Variants in GRM3 observed in about 807,000 individuals in gnomAD.
GRM3 encodes metabotropic glutamate receptor 3.
A neutral mutation model predicts 70.5 loss-of-function variants in GRM3; 26 were observed. That is an observed-to-expected ratio of 0.37 (90% CI 0.27 to 0.51). GRM3 has a LOEUF of 0.51. Ranked by LOEUF, GRM3 falls within the 20% of genes least tolerant of loss-of-function variation. The pLI is 0.93. For missense variants in GRM3, 859 were observed against 1,123.8 expected, an observed-to-expected ratio of 0.76 and a Z score of 3.37; for synonymous variants, 443 against 434.9, an observed-to-expected ratio of 1.02 and a Z score of -0.23.
chr7:86,714,063 G>T (rs1019988436), intron 1 of GRM3, among the ~76,000 whole-genome samples: 1 of 151,926 alleles, frequency 6.6e-6, no homozygotes, highest in African/African-American at 2.4e-5. Flanking sequence ...TCACACAAGA[G>T]TCAAGGGCAC....
rs1793392481 is a variant in GRM3, at chr7:86,644,007, A to T, written c.-1006A>T. Reference sequence around the variant, plus strand: ...TCCCGCTCTCCTAATCTCCTCTGGCATGCGGTCAGCCCCCTGCCCAGGGAC... The same window carrying T: ...TCCCGCTCTCCTAATCTCCTCTGGCTTGCGGTCAGCCCCCTGCCCAGGGAC... On this transcript the variant is annotated 5_prime_UTR_variant, in exon 1 of 6. The change abolishes an upstream ATG in the 5' untranslated region. Transcript: ENST00000361669. 6.5e-6 allele frequency: 1 copy of T among 152,850 alleles called. No individual in the cohort carries two copies. Among genetic ancestry groups the T allele is most frequent in the South Asian group, 2.1e-4 (1 of 4,838 alleles). The allele number at this position is 152,850 out of a possible 1,614,324, so 9.5% of individuals were successfully genotyped here.
intron 1 of GRM3, among the ~76,000 whole-genome samples, chr7:86,681,323 A>G (rs1041163207): frequency 6.6e-6 from 1 of 152,172 alleles, no homozygotes; most frequent in Non-Finnish European, 1.5e-5. Context: ...CATACTGGCC[A>G]AGGGGATTGG....
chr7:86,657,790 G>A (rs963630414), intron 1 of GRM3, among the ~76,000 whole-genome samples: 3 of 151,988 alleles, frequency 2.0e-5, no homozygotes, highest in East Asian at 3.9e-4. Flanking sequence ...TAAGACACAT[G>A]GAATGAATCT....
At chr7:86,694,024 T>C (rs1345662105) in intron 1 of GRM3, among the ~76,000 whole-genome samples, 1 of 152,198 alleles carries the variant, frequency 6.6e-6, no homozygotes, top group African/African-American at 2.4e-5. Context: ...ATTAATTCCA[T>C]AGCTTTTCAT....
intron 3 of GRM3, among the ~76,000 whole-genome samples, chr7:86,831,611 C>T (rs900303981): frequency 6.6e-6 from 1 of 152,038 alleles, no homozygotes; most frequent in Non-Finnish European, 1.5e-5. Flanking sequence ...TATGCCCCTA[C>T]CTCCCCATTC....
chr7:86,829,550 T>C (rs1019128428), intron 3 of GRM3, among the ~76,000 whole-genome samples: 1 of 152,208 alleles, frequency 6.6e-6, no homozygotes, highest in Non-Finnish European at 1.5e-5. Flanking sequence ...TAGACCATCA[T>C]AAGGTCATTA....
chr7:86,715,921 A>G (rs116076979), intron 1 of GRM3, among the ~76,000 whole-genome samples: 2,840 of 152,150 alleles, frequency 0.019, 67 homozygotes, highest in African/African-American at 0.063. Flanking sequence ...ATTATGAGAA[A>G]GAGACAAAAT....
At chr7:86,665,100 T>C (rs1793992688) in intron 1 of GRM3, among the ~76,000 whole-genome samples, 1 of 152,096 alleles carries the variant, frequency 6.6e-6, no homozygotes, top group South Asian at 2.1e-4. Flanking sequence ...TTTCTATTAG[T>C]CAAACTATTA....
chr7:86,810,656 T>C (rs893757676), intron 3 of GRM3, among the ~76,000 whole-genome samples: 1 of 151,962 alleles, frequency 6.6e-6, no homozygotes, highest in Non-Finnish European at 1.5e-5. Context: ...AGCCCAAGTA[T>C]TGCAATATAA....
intron 2 of GRM3, among the ~76,000 whole-genome samples, chr7:86,782,595 G>A (rs1007818416): frequency 2.6e-5 from 4 of 152,108 alleles, no homozygotes; most frequent in Non-Finnish European, 5.9e-5. Flanking sequence ...CACATTCTGC[G>A]CTTTAGCGTC....
intron 1 of GRM3, among the ~76,000 whole-genome samples, chr7:86,763,849 C>T (rs1372342128): frequency 6.6e-6 from 1 of 152,090 alleles, no homozygotes; most frequent in African/African-American, 2.4e-5. Context: ...TTGTCTAATG[C>T]TCAAAACAGT....
chr7:86,765,831 T>C (rs1796588222), intron 2 of GRM3, among the ~76,000 whole-genome samples: 1 of 152,152 alleles, frequency 6.6e-6, no homozygotes, highest in Admixed American at 6.6e-5. Flanking sequence ...TATTGCAACA[T>C]TAAACACTAC....
chr7:86,692,924 G>A (rs1326326425), intron 1 of GRM3, among the ~76,000 whole-genome samples: 1 of 152,190 alleles, frequency 6.6e-6, no homozygotes, highest in African/African-American at 2.4e-5. Context: ...ATTTTGGAGA[G>A]GAGGGGAAGG....
intron 1 of GRM3, among the ~76,000 whole-genome samples, chr7:86,678,429 C>T (rs919503812): frequency 8.6e-5 from 13 of 151,944 alleles, no homozygotes; most frequent in Non-Finnish European, 1.6e-4. Context: ...GAAAAAGTTA[C>T]GTTAACGCCG....
At chr7:86,664,341 G>A (rs1324430405) in intron 1 of GRM3, among the ~76,000 whole-genome samples, 1 of 151,694 alleles carries the variant, frequency 6.6e-6, no homozygotes, top group Non-Finnish European at 1.5e-5. Context: ...ATGACTTGGT[G>A]GTATATCGGT....
At chr7:86,817,133 G>C (rs983954816) in intron 3 of GRM3, among the ~76,000 whole-genome samples, 1 of 151,838 alleles carries the variant, frequency 6.6e-6, no homozygotes, top group East Asian at 1.9e-4. Context: ...GCTTGTCAAG[G>C]TGTAGATCAG....
At chr7:86,825,675 G>A (rs1043642318) in intron 3 of GRM3, among the ~76,000 whole-genome samples, 4 of 152,094 alleles carry the variant, frequency 2.6e-5, no homozygotes, top group Non-Finnish European at 4.4e-5. Flanking sequence ...GCTTGTCTTC[G>A]GAAAGTTCAT....
chr7:86,707,122 C>G (rs1409609145), intron 1 of GRM3, among the ~76,000 whole-genome samples: 4 of 151,858 alleles, frequency 2.6e-5, no homozygotes, highest in Admixed American at 2.6e-4. Context: ...GGTCCTTGAG[C>G]ATATCTACAC....
At chr7:86,802,645 CTGT>C (rs906500350) in intron 3 of GRM3, among the ~76,000 whole-genome samples, 3 of 151,490 alleles carry the variant, frequency 2.0e-5, no homozygotes, top group African/African-American at 7.3e-5. Context: ...GTCTTCAATG[CTGT>C]TGAAGACTAC....
Sources: allele counts gnomAD v4.1 joint callset (sites outside exome capture counted in the v4.1 genomes callset), GRCh38; gene constraint gnomAD v4.1.1; transcripts MANE v1.5; gene names NCBI Gene and HGNC (gene_info 2026-07-23, HGNC 2026-07-21).